ADD2: variants seen among roughly 807,000 people sequenced by gnomAD.
ADD2 encodes the protein adducin 2, also known as beta-adducin.
Under a neutral mutation model 83.0 loss-of-function variants are expected in ADD2, and 23 were observed. That is an observed-to-expected ratio of 0.28 (90% CI 0.20 to 0.39). The LOEUF (loss-of-function observed/expected upper bound fraction) is 0.39, where lower values mean the gene tolerates loss of function less well. Among genes scored for constraint, ADD2 ranks in the 10% least tolerant of loss-of-function variants. The probability of loss-of-function intolerance (pLI) is 1.00; values close to 1 mark genes in which losing one functional copy is unlikely to be tolerated. For missense variants in ADD2, 758 were observed against 944.9 expected, an observed-to-expected ratio of 0.80 and a Z score of 2.59; for synonymous variants, 375 against 375.4, an observed-to-expected ratio of 1.00 and a Z score of 0.01.
At position 70,659,233 on chromosome 2, in the gene ADD2, C is replaced by T. The variant is rs1374821852; in HGVS notation, c.*4192G>A. 1 of 149,904 alleles carries T rather than the reference C, an allele frequency of 6.7e-6. No homozygotes were observed. The highest frequency in any genetic ancestry group is 2.5e-5 in the African/African-American group (1 of 40,766). The allele number at this position is 149,904 out of a possible 1,614,324, so 9.3% of individuals were successfully genotyped here. A position where few individuals can be genotyped will look rare whatever the true frequency, so the allele number is the denominator to read the frequency against. ...GCGTAGGCTGTGTGTTTACCCTCCA[C>T]ATACCTTCATGGAAAAATTGAAAAT... On this transcript the variant is annotated 3_prime_UTR_variant, in exon 16 of 16. Transcript: ENST00000264436.
In ADD2 at chr2:70,706,285, G is replaced by A; in HGVS notation, c.124C>T (p.Arg42Trp). The A allele has an allele frequency of 3.7e-6, 6 of 1,614,082 alleles. No homozygotes were observed. Among genetic ancestry groups the A allele is most frequent in the Non-Finnish European group, 5.1e-6 (6 of 1,179,992 alleles). The change falls in exon 3 of 16, where the codon CGG (arginine) becomes TGG (tryptophan). Residue 42 changes from arginine (R) to tryptophan (W), a missense_variant. Around this residue, in one of 5 missense-constraint regions of ADD2, gnomAD observed 175 missense variants for 192.1 expected, o/e 0.91. Transcript: ENST00000264436. The surrounding 1 kb of genome is among the most constrained non-coding windows in gnomAD (Gnocchi z 5.0). ...TGCTCCATCAGGTTGAAGTCCTGCC[G>A]CAGGTCCGCCGCCCGGTTGCGAAGG... is the stretch of plus-strand genomic sequence containing the variant. Reference protein sequence around the residue: ...MRLRNRAADLRQDFNLMEQKK... With the variant: ...MRLRNRAADLWQDFNLMEQKK...
chr2:70,747,051 C>T (rs1674240648), intron 1 of ADD2, among the ~76,000 whole-genome samples: 1 of 146,472 alleles, frequency 6.8e-6, no homozygotes, highest in Non-Finnish European at 1.5e-5. Flanking sequence ...GCTCTGTCGC[C>T]CAGGCTGGAG....
At chr2:70,765,811 C>G (rs1675353112) in intron 1 of ADD2, among the ~76,000 whole-genome samples, 1 of 152,194 alleles carries the variant, frequency 6.6e-6, no homozygotes, top group South Asian at 2.1e-4. Flanking sequence ...TTTATGACTC[C>G]ACCCTTAGTG....
intron 3 of ADD2, among the ~76,000 whole-genome samples, chr2:70,705,066 G>A (rs149419601): frequency 1.9e-3 from 296 of 152,244 alleles, no homozygotes; most frequent in African/African-American, 6.9e-3. Flanking sequence ...TGGCCAACCT[G>A]TAAAAGGGAA....
chr2:70,664,704 CGT>C (rs782330975), intron 15 of ADD2, among the ~76,000 whole-genome samples: 27 of 151,862 alleles, frequency 1.8e-4, no homozygotes, highest in Non-Finnish European at 1.6e-4. Flanking sequence ...TGGGTGAGCA[CGT>C]GTGAGTGTGT....
intron 1 of ADD2, among the ~76,000 whole-genome samples, chr2:70,725,513 A>G (rs1672943626): frequency 6.6e-6 from 1 of 152,210 alleles, no homozygotes; most frequent in African/African-American, 2.4e-5. Flanking sequence ...GCATCTCAAG[A>G]TGAAATAATC....
chr2:70,768,047 A>G lies in ADD2; in HGVS notation c.-315T>C. Reference sequence around the variant, plus strand: ...GCCCGCGCTCGTCAGAGCTGCTGGGAGATCCCCCAGCAGTGCAGCGGCTCC... The same window carrying G: ...GCCCGCGCTCGTCAGAGCTGCTGGGGGATCCCCCAGCAGTGCAGCGGCTCC... On this transcript the variant is annotated 5_prime_UTR_variant, in exon 1 of 16. Transcript: ENST00000264436. The G allele has an allele frequency of 4.3e-6, 6 of 1,405,716 alleles. No individual in the cohort carries two copies. Among genetic ancestry groups the G allele is most frequent in the Non-Finnish European group, 4.8e-6 (5 of 1,046,134 alleles). The allele number at this position is 1,405,716 out of a possible 1,614,324, so 87.1% of individuals were successfully genotyped here. A position where few individuals can be genotyped will look rare whatever the true frequency, so the allele number is the denominator to read the frequency against.
chr2:70,710,675 T>C (rs1371021666), intron 2 of ADD2, among the ~76,000 whole-genome samples: 1 of 152,268 alleles, frequency 6.6e-6, no homozygotes, highest in Non-Finnish European at 1.5e-5. Flanking sequence ...GGAACAAGAC[T>C]ACCTGGGTTC....
At chr2:70,749,593 C>T (rs961865749) in intron 1 of ADD2, among the ~76,000 whole-genome samples, 1 of 152,084 alleles carries the variant, frequency 6.6e-6, no homozygotes, top group Non-Finnish European at 1.5e-5. Flanking sequence ...CTAGAAGCAA[C>T]CATTTGATAC....
chr2:70,663,103 T>G lies in ADD2; in HGVS notation c.*322A>C. ...CTGGCCTTCTTGCCCTAGGCTCAGA[T>G]TGGTGGACAGCATCCAAACAAAGGC... On this transcript the variant is annotated 3_prime_UTR_variant, in exon 16 of 16. Coordinates refer to ENST00000264436, the MANE Select transcript of ADD2 (RefSeq NM_001617.4). The G allele has an allele frequency of 3.8e-6, 1 of 262,836 alleles. No individual in the cohort carries two copies. The highest frequency in any genetic ancestry group is 7.3e-6 in the Non-Finnish European group (1 of 137,788). The allele number at this position is 262,836 out of a possible 1,614,324, so 16.3% of individuals were successfully genotyped here.
chr2:70,667,480 C>T (rs188549992), intron 15 of ADD2, among the ~76,000 whole-genome samples: 131 of 152,310 alleles, frequency 8.6e-4, no homozygotes, highest in Non-Finnish European at 1.1e-3. Flanking sequence ...TAGCCCACAG[C>T]CTCCAACCAC....
chr2:70,709,306 G>T (rs371445403), intron 2 of ADD2, among the ~76,000 whole-genome samples: 2 of 150,864 alleles, frequency 1.3e-5, no homozygotes, highest in Non-Finnish European at 2.9e-5. Flanking sequence ...AGGGGAAGGG[G>T]TCTGCTGGGA....
intron 1 of ADD2, among the ~76,000 whole-genome samples, chr2:70,721,311 A>G (rs1389133203): frequency 6.6e-6 from 1 of 152,190 alleles, no homozygotes; most frequent in Non-Finnish European, 1.5e-5. Flanking sequence ...TTTGCATACT[A>G]TCCTTACTTT....
chr2:70,731,327 T>C (rs537082073), intron 1 of ADD2, among the ~76,000 whole-genome samples: 1 of 152,302 alleles, frequency 6.6e-6, no homozygotes, highest in African/African-American at 2.4e-5. Flanking sequence ...GTCTCAGGAT[T>C]GCTTCCTCTT....
intron 8 of ADD2, among the ~76,000 whole-genome samples, chr2:70,690,270 T>C (rs1553371304): frequency 6.6e-6 from 1 of 152,166 alleles, no homozygotes; most frequent in Admixed American, 6.5e-5. Flanking sequence ...CTAATTTTTG[T>C]ATTTTTTGTA....
intron 1 of ADD2, among the ~76,000 whole-genome samples, chr2:70,744,321 AG>A (rs1553381598): frequency 6.6e-6 from 1 of 152,248 alleles, no homozygotes; most frequent in African/African-American, 2.4e-5. Flanking sequence ...CTTTGTTTTC[AG>A]GAAACACACA....
chr2:70,706,538 G>A lies in ADD2; in HGVS notation c.-34-96C>T. 1 of 1,144,756 alleles carries A rather than the reference G, an allele frequency of 8.7e-7. No homozygotes were observed. Among genetic ancestry groups the A allele is most frequent in the South Asian group, 1.6e-5 (1 of 60,830 alleles). 70.9% of individuals were successfully genotyped at this position (1,144,756 alleles called of 1,614,324 possible). A position where few individuals can be genotyped will look rare whatever the true frequency, so the allele number is the denominator to read the frequency against. ...AGGGCTAGGTTCAGTTGGATTCTCA[G>A]TGGGGTACGGCTGTTCCTAGGATGG... On this transcript the variant is annotated intron_variant, in intron 2 of 15. Transcript: ENST00000264436. The surrounding 1 kb of genome is among the most constrained non-coding windows in gnomAD (Gnocchi z 5.0).
chr2:70,669,127 C>T (rs2104178985), intron 15 of ADD2, among the ~76,000 whole-genome samples: 1 of 152,284 alleles, frequency 6.6e-6, no homozygotes, highest in East Asian at 1.9e-4. Flanking sequence ...GCTCAAAGAA[C>T]AGAGCAGAGG....
Position 70,687,631 on chromosome 2 carries a change from A to AACAC in ADD2, c.948+389_948+392dup, listed in dbSNP as rs1281545522. ...AAACAAACAAACAAACAAACAAACAAACACCTACCTGTGTGTCTGTTGGGC... is the reference window on the plus strand; with the variant it reads ...AAACAAACAAACAAACAAACAAACAAACACACACCTACCTGTGTGTCTGTTGGGC... On this transcript the variant is annotated intron_variant, in intron 9 of 15. Coordinates refer to ENST00000264436, the MANE Select transcript of ADD2 (RefSeq NM_001617.4). 2.3e-4 allele frequency among the ~76,000 whole-genome samples: 30 copies of AACAC among 131,672 alleles called. 1 individual carries two copies. In the South Asian group the frequency reaches 4.3e-3, roughly 19 times the overall value. The allele number at this position is 131,672 out of a possible 152,430, so 86.4% of individuals were successfully genotyped here.
Sources: allele counts gnomAD v4.1 joint callset (sites outside exome capture counted in the v4.1 genomes callset), GRCh38; gene constraint gnomAD v4.1.1; regional missense constraint gnomAD v4.1.1; non-coding constraint Gnocchi (gnomAD v3.1); transcripts MANE v1.5; gene names NCBI Gene and HGNC (gene_info 2026-07-23, HGNC 2026-07-21).